GRIA2: variants seen among roughly 807,000 people sequenced by gnomAD.
The protein encoded by GRIA2 is glutamate ionotropic receptor AMPA type subunit 2.
Under a neutral mutation model 97.3 loss-of-function variants are expected in GRIA2, and 14 were observed. The ratio of observed to expected loss-of-function variants is 0.14; its 90% CI spans 0.10 to 0.23. GRIA2 has a LOEUF of 0.23. Ranked by LOEUF, GRIA2 falls within the 10% of genes least tolerant of loss-of-function variation. GRIA2 has a pLI of 1.00. For missense variants in GRIA2, 558 were observed against 1,069.8 expected, an observed-to-expected ratio of 0.52 and a Z score of 6.67; for synonymous variants, 412 against 387.8, an observed-to-expected ratio of 1.06 and a Z score of -0.73.
intron 2 of GRIA2, among the ~76,000 whole-genome samples, chr4:157,228,754 C>G: frequency 7.8e-6 from 1 of 128,444 alleles, no homozygotes; most frequent in Non-Finnish European, 1.6e-5. Flanking sequence ...GATAGCACCA[C>G]TGCACTCCAG....
At chr4:157,246,937 G>A (rs1208741247) in intron 2 of GRIA2, among the ~76,000 whole-genome samples, 1 of 152,050 alleles carries the variant, frequency 6.6e-6, no homozygotes, top group East Asian at 1.9e-4. Context: ...AAAACTAGTG[G>A]TAAAAAATGA....
chr4:157,316,609 G>C (rs905086631), intron 4 of GRIA2, among the ~76,000 whole-genome samples: 1 of 152,078 alleles, frequency 6.6e-6, no homozygotes, highest in African/African-American at 2.4e-5. Context: ...CTAAGGTGAT[G>C]AGAAGAAGCT....
chr4:157,312,083 A>T lies in GRIA2; in HGVS notation c.470-596A>T, dbSNP rs1734106890. 2.0e-5 allele frequency among the ~76,000 whole-genome samples: 3 copies of T among 151,916 alleles called. No individual in the cohort carries two copies. The South Asian group carries it at 6.2e-4, about 32-fold the overall frequency. Reference sequence around the variant, plus strand: ...TGACCACTTCAATTTCTCTGGGATCATTCCCAATAACAAAAAAAATAACAT... The same window carrying T: ...TGACCACTTCAATTTCTCTGGGATCTTTCCCAATAACAAAAAAAATAACAT... On this transcript the variant is annotated intron_variant, in intron 3 of 15. Coordinates refer to ENST00000264426, the MANE Select transcript of GRIA2 (RefSeq NM_001083619.3).
intron 2 of GRIA2, among the ~76,000 whole-genome samples, chr4:157,255,962 T>C (rs1425781800): frequency 1.3e-5 from 2 of 151,116 alleles, no homozygotes; most frequent in African/African-American, 2.4e-5. Context: ...TGAGATATCA[T>C]TCGTACATGT....
intron 2 of GRIA2, among the ~76,000 whole-genome samples, chr4:157,283,033 G>A (rs1732677703): frequency 6.6e-6 from 1 of 152,038 alleles, no homozygotes; most frequent in Non-Finnish European, 1.5e-5. Context: ...TTTTTGAAAT[G>A]TGAGGTTTTA....
intron 2 of GRIA2, among the ~76,000 whole-genome samples, chr4:157,252,280 C>T (rs1442464968): frequency 3.3e-5 from 5 of 152,182 alleles, no homozygotes; most frequent in East Asian, 1.9e-4. Context: ...GTTGTGACTG[C>T]GAGCCGACTG....
chr4:157,336,624 C>T lies in GRIA2; in HGVS notation c.1721C>T (p.Thr574Ile). Reference protein sequence around the residue: ...VSRFSPYEWHTEEFEDGRETQ... With the variant: ...VSRFSPYEWHIEEFEDGRETQ... ...AGATTTAGCCCCTACGAGTGGCACA[C>T]TGAGGAGTTTGAAGATGGAAGAGAA... The change falls in exon 11 of 16, where the codon ACT becomes ATT. Residue 574 changes from threonine to isoleucine, a missense_variant. Around this residue, in one of 8 missense-constraint regions of GRIA2, gnomAD observed 125 missense variants for 310.2 expected, o/e 0.40. Transcript: ENST00000264426. 1 of 1,613,444 alleles carries T rather than the reference C, an allele frequency of 6.2e-7. No individual in the cohort carries two copies. The highest frequency in any genetic ancestry group is 1.1e-5 in the South Asian group (1 of 91,066).
intron 2 of GRIA2, among the ~76,000 whole-genome samples, chr4:157,275,618 C>T (rs180860056): frequency 5.9e-5 from 9 of 152,124 alleles, no homozygotes; most frequent in Admixed American, 5.9e-4. Context: ...CCATTTATTA[C>T]ATAGGGAATC....
Position 157,361,763 on chromosome 4 carries a change from A to ATAT in GRIA2, c.2406+640_2406+642dup. 1 of 703,774 alleles carries ATAT rather than the reference A, an allele frequency of 1.4e-6. No individual in the cohort carries two copies. The highest frequency in any genetic ancestry group is 2.5e-6 in the Non-Finnish European group (1 of 402,626). The allele number at this position is 703,774 out of a possible 1,614,324, so 43.6% of individuals were successfully genotyped here. ...CATCTTAAATAGAATGTAAATGCAA[A>ATAT]TATGCATGAGATGCATAATTTGGTA... On this transcript the variant is annotated intron_variant, in intron 14 of 15. Coordinates refer to ENST00000264426, the MANE Select transcript of GRIA2 (RefSeq NM_001083619.3). This position sits in a 1 kb window ranked among gnomAD's most constrained non-coding sequence, Gnocchi z 5.2.
intron 2 of GRIA2, among the ~76,000 whole-genome samples, chr4:157,267,393 A>AG (rs1293408299): frequency 6.3e-5 from 9 of 141,916 alleles, no homozygotes; most frequent in Non-Finnish European, 1.2e-4. Flanking sequence ...CTCCATCTCA[A>AG]AAAAAAAAAA....
At chr4:157,285,611 A>C (rs1380437708) in intron 2 of GRIA2, among the ~76,000 whole-genome samples, 1 of 150,320 alleles carries the variant, frequency 6.7e-6, no homozygotes, top group African/African-American at 2.4e-5. Flanking sequence ...TGGTTAATAA[A>C]TTTCCTCAAA....
At chr4:157,349,338 G>C (rs1026380904) in intron 12 of GRIA2, among the ~76,000 whole-genome samples, 1 of 151,548 alleles carries the variant, frequency 6.6e-6, no homozygotes, top group Non-Finnish European at 1.5e-5. Flanking sequence ...TGCGTTCCAG[G>C]GTTTTTGTAC....
Position 157,334,133 on chromosome 4 carries a change from A to G in GRIA2, c.1266+13A>G, listed in dbSNP as rs369027548. 83 of 1,264,482 alleles carry G rather than the reference A, an allele frequency of 6.6e-5. No individual in the cohort carries two copies. The African/African-American group carries it at 1.1e-3, about 17-fold the overall frequency. The allele number at this position is 1,264,482 out of a possible 1,614,324, so 78.3% of individuals were successfully genotyped here. On this transcript the variant is annotated intron_variant, in intron 9 of 15. Coordinates refer to ENST00000264426, the MANE Select transcript of GRIA2 (RefSeq NM_001083619.3). Reference sequence around the variant, plus strand: ...CACCACAATTTTGGTAATTTGCTACATATGCCATGTTTTACTTTGTATTTT... The same window carrying G: ...CACCACAATTTTGGTAATTTGCTACGTATGCCATGTTTTACTTTGTATTTT...
intron 11 of GRIA2, 46 bp from the exon 12 acceptor site, chr4:157,341,218 A>T (rs751158422): frequency 2.4e-6 from 3 of 1,254,158 alleles, no homozygotes; most frequent in Admixed American, 1.7e-5. Context: ...TTTTTTTATT[A>T]GGTCATTCAT....
At chr4:157,274,273 C>T (rs2126795870) in intron 2 of GRIA2, among the ~76,000 whole-genome samples, 1 of 151,692 alleles carries the variant, frequency 6.6e-6, no homozygotes, top group Non-Finnish European at 1.5e-5. Context: ...TGCAGATTTA[C>T]ATAAAGAAAG....
intron 2 of GRIA2, among the ~76,000 whole-genome samples, chr4:157,227,505 T>C (rs1729802478): frequency 6.6e-6 from 1 of 152,222 alleles, no homozygotes. Flanking sequence ...TAGAAGTACT[T>C]AATCTGCAGA....
chr4:157,232,882 T>C (rs562070977), intron 2 of GRIA2, among the ~76,000 whole-genome samples: 127 of 152,334 alleles, frequency 8.3e-4, no homozygotes, highest in African/African-American at 3.0e-3. Flanking sequence ...TGTATGACAT[T>C]GGACAAGTTT....
At position 157,321,509 on chromosome 4, in the gene GRIA2, C is replaced by T; in HGVS notation, c.792C>T (p.Asp264=). 6.2e-7 allele frequency: 1 copy of T among 1,605,638 alleles called. No individual in the cohort carries two copies. The highest frequency in any genetic ancestry group is 8.5e-7 in the Non-Finnish European group (1 of 1,172,458). Residue 264 remains aspartate, a synonymous_variant, in exon 6 of 16, where the codon GAC becomes GAT. Transcript: ENST00000264426. ...GANVSGFQIV[D]YDDSLVSKFI... Reference sequence around the variant, plus strand: ...ATGTCTCTGGATTTCAGATAGTGGACTATGATGATTCGTTGGTATCTAAAT... The same window carrying T: ...ATGTCTCTGGATTTCAGATAGTGGATTATGATGATTCGTTGGTATCTAAAT...
At chr4:157,329,870 C>T (rs1008301553) in intron 6 of GRIA2, among the ~76,000 whole-genome samples, 34 of 151,936 alleles carry the variant, frequency 2.2e-4, no homozygotes, top group African/African-American at 7.7e-4. Context: ...TTGTGACAAT[C>T]GAGGAAAACC....
Sources: gnomAD v4.1 joint callset for allele counts (sites outside exome capture counted in the v4.1 genomes callset) on GRCh38, gnomAD v4.1.1 for gene constraint, gnomAD v4.1.1 regional missense constraint, Gnocchi (gnomAD v3.1) non-coding constraint, MANE v1.5 for transcripts, NCBI Gene and HGNC (gene_info 2026-07-23, HGNC 2026-07-21) for gene names.